The following DCBLD2 variants were observed in gnomAD, a reference collection of about 807,000 sequenced individuals.
The protein encoded by DCBLD2 is discoidin, CUB and LCCL domain-containing protein 2.
Under a neutral mutation model 86.8 loss-of-function variants are expected in DCBLD2, and 54 were observed. That is an observed-to-expected ratio of 0.62 (90% CI 0.50 to 0.78). The LOEUF is 0.78. Among genes scored for constraint, DCBLD2 ranks in the 30% least tolerant of loss-of-function variants. DCBLD2 has a pLI of 0.00. For synonymous variants in DCBLD2, 354 were observed against 341.3 expected, an observed-to-expected ratio of 1.04 and a Z score of -0.41; for missense variants, 908 against 954.2, an observed-to-expected ratio of 0.95 and a Z score of 0.64.
At chr3:98,839,495 A>G (rs1942580479) in intron 3 of DCBLD2, among the ~76,000 whole-genome samples, 1 of 152,204 alleles carries the variant, frequency 6.6e-6, no homozygotes, top group Admixed American at 6.5e-5. Context: ...ATAACTTAAT[A>G]AGACTGTTAT....
In DCBLD2 at chr3:98,797,444, T is replaced by C. The variant is rs1216850585; in HGVS notation, c.*1928A>G. ...CAGGTATATTACTTGAGGAAAAGTATATTCTCTGTGTACTAAGGATGAATT... is the reference window on the plus strand; with the variant it reads ...CAGGTATATTACTTGAGGAAAAGTACATTCTCTGTGTACTAAGGATGAATT... On this transcript the variant is annotated 3_prime_UTR_variant, in exon 16 of 16. Coordinates refer to ENST00000326840, the MANE Select transcript of DCBLD2 (RefSeq NM_080927.4). 1 of 152,632 alleles carries C rather than the reference T, an allele frequency of 6.6e-6. No homozygotes were observed. The highest frequency in any genetic ancestry group is 1.5e-5 in the Non-Finnish European group (1 of 68,040). The allele number at this position is 152,632 out of a possible 1,614,324, so 9.5% of individuals were successfully genotyped here. A position where few individuals can be genotyped will look rare whatever the true frequency, so the allele number is the denominator to read the frequency against.
intron 2 of DCBLD2, among the ~76,000 whole-genome samples, chr3:98,863,970 C>A (rs533164333): frequency 2.0e-5 from 3 of 152,076 alleles, no homozygotes; most frequent in Admixed American, 1.3e-4. Context: ...TGACAAAGGG[C>A]TAATATTGAG....
At chr3:98,807,339 CT>C (rs1941859749) in intron 13 of DCBLD2, among the ~76,000 whole-genome samples, 1 of 152,070 alleles carries the variant, frequency 6.6e-6, no homozygotes, top group African/African-American at 2.4e-5. Context: ...GAAAGTGGGG[CT>C]TTGGTAAGTG....
chr3:98,856,446 C>A (rs1942932712), intron 2 of DCBLD2, among the ~76,000 whole-genome samples: 1 of 152,096 alleles, frequency 6.6e-6, no homozygotes, highest in Non-Finnish European at 1.5e-5. Context: ...CCACTGCAAA[C>A]TGCCAGCCCT....
intron 13 of DCBLD2, among the ~76,000 whole-genome samples, chr3:98,802,242 A>G (rs1235759975): frequency 1.3e-5 from 2 of 152,010 alleles, no homozygotes; most frequent in African/African-American, 2.4e-5. Flanking sequence ...TTTAATGATC[A>G]CCATTCTAAC....
chr3:98,882,263 T>C (rs2107523265), intron 1 of DCBLD2, among the ~76,000 whole-genome samples: 1 of 152,322 alleles, frequency 6.6e-6, no homozygotes, highest in Non-Finnish European at 1.5e-5. Context: ...AAATTAGTAG[T>C]CATTAAATAT....
chr3:98,840,769 T>C (rs1942605758), intron 3 of DCBLD2, among the ~76,000 whole-genome samples: 1 of 152,206 alleles, frequency 6.6e-6, no homozygotes, highest in South Asian at 2.1e-4. Context: ...TGAGAAGACA[T>C]ATGTGAGCCC....
intron 2 of DCBLD2, among the ~76,000 whole-genome samples, chr3:98,868,921 G>A (rs776225517): frequency 3.3e-5 from 5 of 152,094 alleles, no homozygotes; most frequent in African/African-American, 4.8e-5. Context: ...ATTCTACTAT[G>A]ATAAACATAC....
chr3:98,871,180 T>C (rs974329922), intron 2 of DCBLD2, among the ~76,000 whole-genome samples: 4 of 152,076 alleles, frequency 2.6e-5, no homozygotes, highest in Non-Finnish European at 5.9e-5. Flanking sequence ...ATCTAGGAGA[T>C]TTTGGAGGAG....
chr3:98,890,553 C>T (rs1453422063), intron 1 of DCBLD2: 1 of 152,084 alleles, frequency 6.6e-6, no homozygotes, highest in African/African-American at 2.4e-5. Flanking sequence ...AAACTCTTCA[C>T]TAAAGCAGTC....
intron 1 of DCBLD2, among the ~76,000 whole-genome samples, chr3:98,884,421 A>C (rs1266803360): frequency 3.3e-5 from 5 of 151,886 alleles, no homozygotes; most frequent in African/African-American, 9.7e-5. Context: ...AAAAAACCAC[A>C]AATTTCCCCT....
intron 3 of DCBLD2, among the ~76,000 whole-genome samples, chr3:98,844,200 G>C (rs1304572988): frequency 2.0e-5 from 3 of 151,982 alleles, no homozygotes; most frequent in Admixed American, 6.6e-5. Flanking sequence ...TTCTACAAAT[G>C]TCCAGTTCCT....
chr3:98,799,916 G>C, intron 15 of DCBLD2, 75 bp from the exon 16 acceptor site: 5 of 1,241,652 alleles, frequency 4.0e-6, no homozygotes, highest in Non-Finnish European at 5.5e-6. Flanking sequence ...GGCAGCTGCA[G>C]ATTATACTAA....
chr3:98,867,216 T>G (rs1943164992), intron 2 of DCBLD2, among the ~76,000 whole-genome samples: 1 of 152,248 alleles, frequency 6.6e-6, no homozygotes, highest in South Asian at 2.1e-4. Flanking sequence ...ATATGAACTT[T>G]AAAGTAGTTT....
chr3:98,880,459 C>T (rs1332345786), intron 2 of DCBLD2, among the ~76,000 whole-genome samples: 2 of 152,128 alleles, frequency 1.3e-5, no homozygotes, highest in Non-Finnish European at 2.9e-5. Context: ...GGTACTGATG[C>T]CTAAATCAAA....
chr3:98,827,615 T>C (rs906273857), intron 3 of DCBLD2, among the ~76,000 whole-genome samples: 3 of 152,122 alleles, frequency 2.0e-5, no homozygotes, highest in African/African-American at 7.2e-5. Context: ...GAATTCAAAA[T>C]GGACAGCTAC....
chr3:98,827,423 C>T (rs1942242929), intron 3 of DCBLD2, among the ~76,000 whole-genome samples: 1 of 152,124 alleles, frequency 6.6e-6, no homozygotes, highest in Non-Finnish European at 1.5e-5. Flanking sequence ...CCAGCTGGCC[C>T]CATTATCTTC....
intron 3 of DCBLD2, among the ~76,000 whole-genome samples, chr3:98,839,349 T>C (rs993558923): frequency 1.2e-4 from 19 of 152,098 alleles, no homozygotes; most frequent in African/African-American, 4.3e-4. Context: ...GGTGTTCCAG[T>C]TGAAGTGCTG....
At chr3:98,827,655 A>C (rs1453930965) in intron 3 of DCBLD2, among the ~76,000 whole-genome samples, 1 of 152,260 alleles carries the variant, frequency 6.6e-6, no homozygotes, top group African/African-American at 2.4e-5. Flanking sequence ...GAAGATAAAG[A>C]AAGCCTTAAG....
Sources: allele counts gnomAD v4.1 joint callset (sites outside exome capture counted in the v4.1 genomes callset), GRCh38; gene constraint gnomAD v4.1.1; transcripts MANE v1.5; gene names NCBI Gene and HGNC (gene_info 2026-07-23, HGNC 2026-07-21).